The following CSMD3 variants were observed in gnomAD, a reference collection of about 807,000 sequenced individuals.
CSMD3 encodes CUB and sushi domain-containing protein 3.
A neutral mutation model predicts 435.2 loss-of-function variants in CSMD3; 177 were observed. The observed-to-expected ratio is 0.41, with a 90% confidence interval of 0.36 to 0.46. CSMD3 has a LOEUF of 0.46. CSMD3 is among the 20% of genes least tolerant of loss of function. The probability of loss-of-function intolerance (pLI) is 0.34; values close to 1 mark genes in which losing one functional copy is unlikely to be tolerated. For synonymous variants in CSMD3, 1,656 were observed against 1,520.5 expected, an observed-to-expected ratio of 1.09 and a Z score of -2.07; for missense variants, 4,265 against 4,504.6, an observed-to-expected ratio of 0.95 and a Z score of 1.52.
At chr8:112,978,805 G>T (rs922846895) in intron 6 of CSMD3, among the ~76,000 whole-genome samples, 1 of 151,868 alleles carries the variant, frequency 6.6e-6, no homozygotes, top group African/African-American at 2.4e-5. Context: ...TAAAATTTTT[G>T]TATATTGATT....
At chr8:112,424,928 G>C (rs1464693827) in intron 32 of CSMD3, among the ~76,000 whole-genome samples, 1 of 152,152 alleles carries the variant, frequency 6.6e-6, no homozygotes, top group African/African-American at 2.4e-5. Flanking sequence ...TCGACCTTGC[G>C]GTCTGCCCAC....
At chr8:113,119,750 A>T (rs1175550653) in intron 4 of CSMD3, among the ~76,000 whole-genome samples, 1 of 152,170 alleles carries the variant, frequency 6.6e-6, no homozygotes, top group African/African-American at 2.4e-5. Flanking sequence ...AGGAAAAAAT[A>T]GTTAAATACA....
chr8:112,954,616 C>A lies in CSMD3; in HGVS notation c.1420+68G>T, dbSNP rs1047939198. On this transcript the variant is annotated intron_variant, in intron 8 of 70. Transcript: ENST00000297405. Reference sequence around the variant, plus strand: ...CACAAATATTTTGGTAAAACACATACAAACAACACAGACACCACAAACTTC... The same window carrying A: ...CACAAATATTTTGGTAAAACACATAAAAACAACACAGACACCACAAACTTC... 5 of 983,142 alleles carry A rather than the reference C, an allele frequency of 5.1e-6. No individual in the cohort carries two copies. In the African/African-American group the frequency reaches 8.1e-5, roughly 16 times the overall value. The allele number at this position is 983,142 out of a possible 1,614,324, so 60.9% of individuals were successfully genotyped here. A position where few individuals can be genotyped will look rare whatever the true frequency, so the allele number is the denominator to read the frequency against.
chr8:113,240,590 A>T (rs545106201), intron 3 of CSMD3, among the ~76,000 whole-genome samples: 2 of 152,296 alleles, frequency 1.3e-5, no homozygotes, highest in South Asian at 2.1e-4. Context: ...AGTTTCACAA[A>T]AGAAAACCCA....
intron 22 of CSMD3, among the ~76,000 whole-genome samples, 159 bp from the exon 23 acceptor site, chr8:112,587,394 C>T (rs374708327): frequency 4.0e-5 from 6 of 151,722 alleles, no homozygotes; most frequent in African/African-American, 1.4e-4. Context: ...TAATTCCCTC[C>T]TCAAATAACA....
At chr8:112,774,298 A>G (rs1192618636) in intron 13 of CSMD3, among the ~76,000 whole-genome samples, 1 of 152,012 alleles carries the variant, frequency 6.6e-6, no homozygotes, top group Non-Finnish European at 1.5e-5. Context: ...TATTTCAGAT[A>G]TGTAACACAC....
At chr8:112,895,436 A>G (rs1011758054) in intron 10 of CSMD3, among the ~76,000 whole-genome samples, 1 of 151,422 alleles carries the variant, frequency 6.6e-6, no homozygotes, top group Non-Finnish European at 1.5e-5. Context: ...ATTCTGAGAA[A>G]AAATATAAGC....
At chr8:112,956,508 T>C (rs1279089552) in intron 7 of CSMD3, among the ~76,000 whole-genome samples, 1 of 152,174 alleles carries the variant, frequency 6.6e-6, no homozygotes, top group East Asian at 1.9e-4. Context: ...TACTTTTCTC[T>C]GCATTATAAG....
rs1816850314 is a variant in CSMD3 at position 112,265,426 on chromosome 8, T to G, written c.9673A>C (p.Met3225Leu). 6.2e-7 allele frequency: 1 copy of G among 1,612,652 alleles called. No homozygotes were observed. Among genetic ancestry groups the G allele is most frequent in the Admixed American group, 1.7e-5 (1 of 59,974 alleles). Residue 3225 changes from methionine (M) to leucine (L), a missense_variant, in exon 60 of 71, where the codon ATG (methionine) becomes CTG (leucine). Met to Leu is a conservative substitution (Grantham distance 15). Around this residue, in one of 3 missense-constraint regions of CSMD3, gnomAD observed 3,255 missense variants for 3,380.2 expected, o/e 0.96. Transcript: ENST00000297405. ...CTINGTWSGV[M>L]PTCRAVTCPT... The stretch of plus-strand genomic sequence containing the variant: ...ATTATCATACCTCTACAAGTTGGCA[T>G]TACTCCACTCCATGTGCCATTAATT...
chr8:113,114,097 A>T (rs984206583), intron 4 of CSMD3, among the ~76,000 whole-genome samples: 1 of 152,140 alleles, frequency 6.6e-6, no homozygotes, highest in African/African-American at 2.4e-5. Flanking sequence ...TAGATAGAGA[A>T]GTGGCTAGAC....
intron 5 of CSMD3, among the ~76,000 whole-genome samples, chr8:113,025,306 T>C (rs532523271): frequency 2.0e-5 from 3 of 152,240 alleles, no homozygotes; most frequent in East Asian, 3.9e-4. Flanking sequence ...TGTGGTTTAG[T>C]AGGGTGTTTT....
chr8:113,388,365 A>C (rs1352211127), intron 1 of CSMD3, among the ~76,000 whole-genome samples: 1 of 151,616 alleles, frequency 6.6e-6, no homozygotes, highest in Non-Finnish European at 1.5e-5. Flanking sequence ...TTTAGAGTAG[A>C]TGAATGAATA....
intron 45 of CSMD3, among the ~76,000 whole-genome samples, chr8:112,332,320 C>G (rs1824146844): frequency 6.6e-6 from 1 of 151,916 alleles, no homozygotes; most frequent in African/African-American, 2.4e-5. Flanking sequence ...GGAAATGGGA[C>G]TTAACATAAA....
At chr8:113,272,991 A>ATT (rs2093541188) in intron 3 of CSMD3, among the ~76,000 whole-genome samples, 1 of 152,060 alleles carries the variant, frequency 6.6e-6, no homozygotes, top group Admixed American at 6.6e-5. Context: ...AAATTCTAAA[A>ATT]TAACTAGTGA....
chr8:113,422,547 T>C (rs1360001035), intron 1 of CSMD3, among the ~76,000 whole-genome samples: 1 of 152,116 alleles, frequency 6.6e-6, no homozygotes, highest in Non-Finnish European at 1.5e-5. Flanking sequence ...TTTGGGGCCA[T>C]GTAGAATTTC....
At chr8:112,252,339 T>C (rs557714870) in intron 63 of CSMD3, among the ~76,000 whole-genome samples, 20 of 152,036 alleles carry the variant, frequency 1.3e-4, no homozygotes, top group Middle Eastern at 3.4e-3. Context: ...ATATGGCCAA[T>C]CTGCGGAGAG....
At chr8:112,814,455 T>A (rs2132403752) in intron 12 of CSMD3, among the ~76,000 whole-genome samples, 1 of 152,270 alleles carries the variant, frequency 6.6e-6, no homozygotes, top group South Asian at 2.1e-4. Context: ...AAAAGTCTCT[T>A]CCAGCACTTG....
chr8:112,574,947 T>C (rs1042585021), intron 23 of CSMD3, among the ~76,000 whole-genome samples: 3 of 151,944 alleles, frequency 2.0e-5, no homozygotes, highest in African/African-American at 4.8e-5. Context: ...TGTTCCTCCA[T>C]AATTACATTG....
chr8:112,876,303 G>A (rs2081279810), intron 10 of CSMD3, among the ~76,000 whole-genome samples: 1 of 152,094 alleles, frequency 6.6e-6, no homozygotes, highest in Non-Finnish European at 1.5e-5. Flanking sequence ...AAGAGAAAAA[G>A]AGAGACTCCT....
Sources: allele counts gnomAD v4.1 joint callset (sites outside exome capture counted in the v4.1 genomes callset), GRCh38; gene constraint gnomAD v4.1.1; regional missense constraint gnomAD v4.1.1; transcripts MANE v1.5; gene names NCBI Gene and HGNC (gene_info 2026-07-23, HGNC 2026-07-21).